PLA2R1: variants seen among roughly 807,000 people sequenced by gnomAD.
The protein encoded by PLA2R1 is secretory phospholipase A2 receptor.
Under a neutral mutation model 195.9 loss-of-function variants are expected in PLA2R1, and 158 were observed. The ratio of observed to expected loss-of-function variants is 0.81; its 90% confidence interval spans 0.71 to 0.92. The LOEUF is 0.92. Among genes scored for constraint, PLA2R1 ranks in the 40% least tolerant of loss-of-function variants. The probability of loss-of-function intolerance (pLI) is 0.00; values close to 1 mark genes in which losing one functional copy is unlikely to be tolerated. For missense variants in PLA2R1, 1,626 were observed against 1,764.6 expected, an observed-to-expected ratio of 0.92 and a Z score of 1.41; for synonymous variants, 586 against 598.2, an observed-to-expected ratio of 0.98 and a Z score of 0.30.
chr2:159,967,519 C>T lies in PLA2R1; in HGVS notation c.2904+20G>A, dbSNP rs763363580. On this transcript the variant is annotated intron_variant, in intron 20 of 29. Transcript: ENST00000283243. ...GTCTACAAAAGAGAAACAAAGGCAA[C>T]TTTTGAAAAACAAGCTTACCTTATA... 5.6e-6 allele frequency: 9 copies of T among 1,605,956 alleles called. No homozygotes were observed. Among genetic ancestry groups the T allele is most frequent in the Non-Finnish European group, 7.7e-6 (9 of 1,176,162 alleles).
chr2:159,990,192 G>A (rs1690667044), intron 11 of PLA2R1, among the ~76,000 whole-genome samples: 1 of 152,046 alleles, frequency 6.6e-6, no homozygotes. Context: ...GGAAAGAGCA[G>A]AGGCGAATTT....
At chr2:160,040,383 G>A (rs1228576057) in intron 3 of PLA2R1, among the ~76,000 whole-genome samples, 2 of 152,102 alleles carry the variant, frequency 1.3e-5, no homozygotes, top group Non-Finnish European at 2.9e-5. Context: ...TCTCCATTGC[G>A]ATTGACCAAT....
chr2:160,051,007 T>TA (rs1695180107), intron 1 of PLA2R1, among the ~76,000 whole-genome samples: 1 of 152,212 alleles, frequency 6.6e-6, no homozygotes, highest in Non-Finnish European at 1.5e-5. Context: ...TTTGAAGTGT[T>TA]AAAGTGAGTA....
intron 25 of PLA2R1, among the ~76,000 whole-genome samples, chr2:159,947,797 A>G (rs1450385776): frequency 1.3e-5 from 2 of 152,182 alleles, no homozygotes; most frequent in Non-Finnish European, 2.9e-5. Flanking sequence ...ACAGCTTTGT[A>G]GGCTTAGTTT....
At chr2:160,014,747 G>A (rs916345674) in intron 9 of PLA2R1, among the ~76,000 whole-genome samples, 2 of 152,132 alleles carry the variant, frequency 1.3e-5, no homozygotes, top group Admixed American at 6.6e-5. Flanking sequence ...AAGCACAGGA[G>A]CTCCCACATC....
intron 13 of PLA2R1, among the ~76,000 whole-genome samples, chr2:159,983,640 T>C (rs979129): frequency 0.36 from 54,585 of 151,892 alleles, 12,338 homozygotes; most frequent in Non-Finnish European, 0.49. Flanking sequence ...TTGAAAACCA[T>C]TGGGGTAGAT....
chr2:160,062,216 G>T, intron 1 of PLA2R1, 79 bp downstream of exon 1: 2 of 1,142,104 alleles, frequency 1.8e-6, no homozygotes, highest in Non-Finnish European at 1.2e-6. Flanking sequence ...CCCTAGCTTC[G>T]CCCCTTCTTC....
intron 11 of PLA2R1, among the ~76,000 whole-genome samples, chr2:159,997,163 G>C (rs1018109669): frequency 6.6e-6 from 1 of 152,124 alleles, no homozygotes; most frequent in Non-Finnish European, 1.5e-5. Context: ...TGATGGAATG[G>C]TAAGGTGTGA....
intron 21 of PLA2R1, 98 bp from the exon 22 acceptor site, chr2:159,955,926 C>A: frequency 3.0e-6 from 2 of 668,274 alleles, no homozygotes; most frequent in Non-Finnish European, 5.0e-6. Flanking sequence ...TAAATGCCAG[C>A]AAAACATAAT....
At chr2:159,997,860 T>C (rs1691323693) in intron 11 of PLA2R1, among the ~76,000 whole-genome samples, 1 of 152,158 alleles carries the variant, frequency 6.6e-6, no homozygotes, top group Admixed American at 6.5e-5. Flanking sequence ...CTCATTAGGA[T>C]GGTGTAACTT....
rs148305921 is a variant in PLA2R1, at chr2:159,936,950, G to A, written c.*4828C>T. 2 of 152,298 alleles carry A rather than the reference G, an allele frequency of 1.3e-5. No homozygotes were observed. The highest frequency in any genetic ancestry group is 3.9e-4 in the East Asian group (2 of 5,194). 9.4% of individuals were successfully genotyped at this position (152,298 alleles called of 1,614,324 possible). A position where few individuals can be genotyped will look rare whatever the true frequency, so the allele number is the denominator to read the frequency against. On this transcript the variant is annotated 3_prime_UTR_variant, in exon 30 of 30. Transcript: ENST00000283243. ...GAAACTTTGTTCATATAAATAAGTA[G>A]ATGGGAATAAAAGGAGGTTTGTTAT...
chr2:160,013,345 T>G lies in PLA2R1; in HGVS notation c.1582A>C (p.Lys528Gln). 2 of 1,609,110 alleles carry G rather than the reference T, an allele frequency of 1.2e-6. No individual in the cohort carries two copies. Among genetic ancestry groups the G allele is most frequent in the Non-Finnish European group, 1.7e-6 (2 of 1,175,770 alleles). ...GWERHGGFCY[K>Q]IDTVLRSFDQ... Reference sequence around the variant, plus strand: ...AAGCTTCGAAGGACTGTGTCAATTTTGTAACAGAATCCACCATGTCTCTCC... The same window carrying G: ...AAGCTTCGAAGGACTGTGTCAATTTGGTAACAGAATCCACCATGTCTCTCC... Residue 528 changes from lysine to glutamine, a missense_variant, in exon 10 of 30, where the codon AAA becomes CAA. Physicochemically the swap from Lys to Gln is moderately conservative, Grantham distance 53 (BLOSUM62 1). Transcript: ENST00000283243.
At chr2:160,002,598 G>A (rs975996335) in intron 11 of PLA2R1, among the ~76,000 whole-genome samples, 9 of 151,978 alleles carry the variant, frequency 5.9e-5, no homozygotes, top group African/African-American at 1.7e-4. Flanking sequence ...AACATAGGCA[G>A]CACCTAGGAG....
rs1010499216 is a variant in PLA2R1 at position 159,939,529 on chromosome 2, A to T, written c.*2249T>A. The T allele has an allele frequency of 2.0e-5, 3 of 152,118 alleles. No individual in the cohort carries two copies. The highest frequency in any genetic ancestry group is 1.3e-4 in the Admixed American group (2 of 15,268). The allele number at this position is 152,118 out of a possible 1,614,324, so 9.4% of individuals were successfully genotyped here. A position where few individuals can be genotyped will look rare whatever the true frequency, so the allele number is the denominator to read the frequency against. ...CCAAAAAAAAAAAAAAAAAATGAAA[A>T]AAAGTTTCAAAAAAAATGCAAATAT... is the stretch of plus-strand genomic sequence containing the variant. On this transcript the variant is annotated 3_prime_UTR_variant, in exon 30 of 30. Coordinates refer to ENST00000283243, the MANE Select transcript of PLA2R1 (RefSeq NM_007366.5).
At chr2:160,048,024 G>A (rs1490115137) in intron 1 of PLA2R1, among the ~76,000 whole-genome samples, 1 of 151,992 alleles carries the variant, frequency 6.6e-6, no homozygotes, top group African/African-American at 2.4e-5. Context: ...GTAGAGACAG[G>A]ATCTCAATAT....
At chr2:159,974,471 A>T (rs1159314249) in intron 17 of PLA2R1, among the ~76,000 whole-genome samples, 5 of 152,144 alleles carry the variant, frequency 3.3e-5, no homozygotes, top group African/African-American at 1.2e-4. Flanking sequence ...GTATAGCCAA[A>T]TATCAGCTCT....
intron 6 of PLA2R1, among the ~76,000 whole-genome samples, chr2:160,027,425 T>C (rs3792188): frequency 0.12 from 17,558 of 152,066 alleles, 1,100 homozygotes; most frequent in South Asian, 0.16. Flanking sequence ...AATCTCTACA[T>C]AAAAAAATGA....
intron 11 of PLA2R1, among the ~76,000 whole-genome samples, chr2:159,989,454 C>T (rs1027583573): frequency 1.3e-5 from 2 of 152,140 alleles, no homozygotes; most frequent in Non-Finnish European, 2.9e-5. Context: ...CTTTGAGGGG[C>T]CCCAGTGGAA....
intron 20 of PLA2R1, among the ~76,000 whole-genome samples, chr2:159,957,600 G>A (rs1055786432): frequency 6.6e-6 from 1 of 152,142 alleles, no homozygotes; most frequent in Non-Finnish European, 1.5e-5. Context: ...TGATCCATCT[G>A]CCTTGGCCTC....
Sources: gnomAD v4.1 joint callset for allele counts (sites outside exome capture counted in the v4.1 genomes callset) on GRCh38, gnomAD v4.1.1 for gene constraint, MANE v1.5 for transcripts, NCBI Gene and HGNC (gene_info 2026-07-23, HGNC 2026-07-21) for gene names.